The following RBMS3 variants were observed in gnomAD, a reference collection of about 807,000 sequenced individuals.
RBMS3 encodes the protein RNA-binding motif, single-stranded-interacting protein 3.
A neutral mutation model predicts 66.8 loss-of-function variants in RBMS3; 27 were observed. The observed-to-expected ratio is 0.40, with a 90% CI of 0.30 to 0.56. The LOEUF is 0.56. Ranked by LOEUF, RBMS3 falls within the 20% of genes least tolerant of loss-of-function variation. The pLI, the probability that RBMS3 is intolerant of heterozygous loss-of-function variation, is 0.40. For missense variants in RBMS3, 513 were observed against 549.5 expected (o/e 0.93, Z 0.66); for synonymous variants, 188 against 183.0 (o/e 1.03, Z -0.22).
intron 2 of RBMS3, among the ~76,000 whole-genome samples, chr3:29,477,191 A>T (rs146952215): frequency 6.6e-6 from 1 of 152,136 alleles, no homozygotes; most frequent in Non-Finnish European, 1.5e-5. Context: ...CCCTTGAGTG[A>T]TATTATAGCT....
chr3:29,402,469 T>C (rs181573176), intron 1 of RBMS3, among the ~76,000 whole-genome samples: 82 of 152,192 alleles, frequency 5.4e-4, no homozygotes, highest in Non-Finnish European at 1.1e-3. Context: ...ATGTAGGTTT[T>C]TACAACACCA....
chr3:29,423,342 C>A (rs2040824593), intron 1 of RBMS3, among the ~76,000 whole-genome samples: 1 of 152,226 alleles, frequency 6.6e-6, no homozygotes, highest in East Asian at 1.9e-4. Flanking sequence ...GAAAATACAC[C>A]TTTTCCCCTC....
Position 29,716,473 on chromosome 3 carries a change from G to A in RBMS3, c.400-23247G>A, listed in dbSNP as rs1370399675. Among the ~76,000 whole-genome samples, 3 of 152,166 alleles carry A rather than the reference G, an allele frequency of 2.0e-5. No individual in the cohort carries two copies. In the East Asian group the frequency reaches 5.8e-4, roughly 29 times the overall value. On this transcript the variant is annotated intron_variant, in intron 4 of 14. Coordinates refer to ENST00000383767, the MANE Select transcript of RBMS3 (RefSeq NM_001003793.3). Reference sequence around the variant, plus strand: ...TAAATTAGAAAAAAGAAGAAAGGAGGATATTCTTTGTGCCACCACCCATAG... The same window carrying A: ...TAAATTAGAAAAAAGAAGAAAGGAGAATATTCTTTGTGCCACCACCCATAG...
chr3:29,546,967 A>G (rs144916263), intron 3 of RBMS3, among the ~76,000 whole-genome samples: 48 of 152,252 alleles, frequency 3.2e-4, no homozygotes, highest in African/African-American at 1.1e-3. Flanking sequence ...ATTAAGTTTT[A>G]TCTTTTATAT....
At chr3:29,337,964 GC>G (rs1283607514) in intron 1 of RBMS3, among the ~76,000 whole-genome samples, 2 of 152,116 alleles carry the variant, frequency 1.3e-5, no homozygotes, top group Non-Finnish European at 2.9e-5. Flanking sequence ...TATAACCTTG[GC>G]TAGAATGGTA....
chr3:29,710,907 A>C (rs2053135292), intron 4 of RBMS3, among the ~76,000 whole-genome samples: 1 of 152,202 alleles, frequency 6.6e-6, no homozygotes, highest in African/African-American at 2.4e-5. Context: ...AGCCATTACT[A>C]TACATGCCAA....
intron 8 of RBMS3, among the ~76,000 whole-genome samples, chr3:29,884,460 CT>C (rs2059815079): frequency 1.4e-5 from 2 of 138,804 alleles, no homozygotes; most frequent in East Asian, 2.1e-4. Context: ...CTCTCTCTCT[CT>C]CTCTCTCTCC....
chr3:29,698,538 G>A, intron 4 of RBMS3: 5 of 985,310 alleles, frequency 5.1e-6, no homozygotes, highest in Non-Finnish European at 6.0e-6. Flanking sequence ...GGGTCAAGAT[G>A]GCGGATTCAA....
intron 1 of RBMS3, among the ~76,000 whole-genome samples, chr3:29,421,967 T>C (rs2040757547): frequency 2.6e-5 from 4 of 152,204 alleles, no homozygotes. Flanking sequence ...ATTATAAAAA[T>C]GCTTTAGGAT....
At chr3:29,543,279 GA>G (rs572959323) in intron 3 of RBMS3, among the ~76,000 whole-genome samples, 50 of 142,060 alleles carry the variant, frequency 3.5e-4, no homozygotes, top group Middle Eastern at 3.6e-3. Flanking sequence ...TATGAAGCAA[GA>G]AAAAAAAAAG....
intron 6 of RBMS3, among the ~76,000 whole-genome samples, chr3:29,803,629 T>A (rs2057455513): frequency 6.6e-6 from 1 of 152,016 alleles, no homozygotes; most frequent in African/African-American, 2.4e-5. Context: ...ATGTGTAATA[T>A]AACACTATAT....
At chr3:29,310,014 A>T (rs1292308148) in intron 1 of RBMS3, among the ~76,000 whole-genome samples, 1 of 151,680 alleles carries the variant, frequency 6.6e-6, no homozygotes. Flanking sequence ...TTGTGATCTG[A>T]GTCGAAGGAG....
At chr3:29,309,611 G>C (rs77384096) in intron 1 of RBMS3, among the ~76,000 whole-genome samples, 3,522 of 151,470 alleles carry the variant, frequency 0.023, 123 homozygotes, top group African/African-American at 0.072. Flanking sequence ...TGCAGTGGTG[G>C]GGGGGGCGGT....
chr3:29,340,932 A>AT (rs1166932094), intron 1 of RBMS3, among the ~76,000 whole-genome samples: 1 of 152,094 alleles, frequency 6.6e-6, no homozygotes, highest in Non-Finnish European at 1.5e-5. Flanking sequence ...AATGCTTTTT[A>AT]AATTAATTTA....
chr3:29,746,388 G>A (rs2054892288), intron 5 of RBMS3, among the ~76,000 whole-genome samples: 1 of 152,244 alleles, frequency 6.6e-6, no homozygotes, highest in Non-Finnish European at 1.5e-5. Context: ...TTAGTGATTA[G>A]TAATCTCCAA....
At chr3:29,962,924 T>G (rs1696580780) in intron 12 of RBMS3, among the ~76,000 whole-genome samples, 1 of 152,020 alleles carries the variant, frequency 6.6e-6, no homozygotes, top group South Asian at 2.1e-4. Flanking sequence ...AAATCCTACA[T>G]AGAACTGGAA....
At chr3:29,437,370 C>T (rs2041439409) in intron 2 of RBMS3, among the ~76,000 whole-genome samples, 1 of 152,136 alleles carries the variant, frequency 6.6e-6, no homozygotes, top group Non-Finnish European at 1.5e-5. Context: ...TACTTAAAAG[C>T]CTATATTGCC....
chr3:29,833,736 A>G (rs984747728), intron 6 of RBMS3, among the ~76,000 whole-genome samples: 1 of 152,172 alleles, frequency 6.6e-6, no homozygotes, highest in African/African-American at 2.4e-5. Flanking sequence ...CTCCAGAAGA[A>G]GAGACAGAAA....
At chr3:29,838,240 A>G (rs1295084323) in intron 6 of RBMS3, among the ~76,000 whole-genome samples, 1 of 150,220 alleles carries the variant, frequency 6.7e-6, no homozygotes, top group Non-Finnish European at 1.5e-5. Flanking sequence ...TGAGGAGGCC[A>G]GGGTGGGAGA....
Sources: allele counts gnomAD v4.1 joint callset (sites outside exome capture counted in the v4.1 genomes callset), GRCh38; gene constraint gnomAD v4.1.1; transcripts MANE v1.5; gene names NCBI Gene and HGNC (gene_info 2026-07-23, HGNC 2026-07-21).